ZMAT4: variants seen among roughly 807,000 people sequenced by gnomAD.
The protein encoded by ZMAT4 is zinc finger matrin-type 4.
In ZMAT4, 17 loss-of-function variants were observed where a neutral mutation model predicts 28.7. The ratio of observed to expected loss-of-function variants is 0.59; its 90% CI spans 0.41 to 0.89. The LOEUF is 0.89. Among genes scored for constraint, ZMAT4 ranks in the 40% least tolerant of loss-of-function variants. The probability of loss-of-function intolerance (pLI) is 0.00; values close to 1 mark genes in which losing one functional copy is unlikely to be tolerated. For missense variants in ZMAT4, 240 were observed against 283.8 expected (o/e 0.85, Z 1.11); for synonymous variants, 117 against 109.2 (o/e 1.07, Z -0.44).
Position 40,532,232 on chromosome 8 carries a change from C to T in ZMAT4, c.681G>A (p.Lys227=). The change falls in exon 7 of 7, where the codon AAG becomes AAA. Residue 227 remains lysine, a synonymous_variant. Transcript: ENST00000297737. ...LKGSKHQTNL[K]NK Reference sequence around the variant, plus strand: ...TTGATTGATGCTTTCACTACTTATTCTTCAGGCTATAAGACAGAAGGAAAC... The same window carrying T: ...TTGATTGATGCTTTCACTACTTATTTTTCAGGCTATAAGACAGAAGGAAAC... The T allele has an allele frequency of 1.9e-6, 3 of 1,592,638 alleles. No individual in the cohort carries two copies. Among genetic ancestry groups the T allele is most frequent in the Non-Finnish European group, 2.6e-6 (3 of 1,169,434 alleles).
chr8:40,612,805 G>T (rs10107772), intron 5 of ZMAT4, among the ~76,000 whole-genome samples: 21,307 of 93,660 alleles, frequency 0.23, 4,491 homozygotes, highest in African/African-American at 0.34. Flanking sequence ...CTGTATTTTG[G>T]TTTTTGTTTT....
intron 5 of ZMAT4, among the ~76,000 whole-genome samples, chr8:40,619,730 C>T (rs1013311339): frequency 2.6e-5 from 4 of 152,208 alleles, no homozygotes; most frequent in African/African-American, 9.7e-5. Context: ...TTCTTAGCAT[C>T]AGCTATGCAC....
intron 6 of ZMAT4, among the ~76,000 whole-genome samples, chr8:40,550,380 G>T (rs1803330778): frequency 2.6e-5 from 4 of 152,204 alleles, no homozygotes; most frequent in Admixed American, 6.5e-5. Context: ...TCTCTCACAG[G>T]TGTTTTCCAT....
intron 5 of ZMAT4, among the ~76,000 whole-genome samples, chr8:40,589,577 C>G (rs188502583): frequency 6.6e-6 from 1 of 152,074 alleles, no homozygotes; most frequent in Admixed American, 6.5e-5. Flanking sequence ...TTTGAAGAAA[C>G]CATTGGTCCC....
chr8:40,855,190 G>A (rs531895610), intron 1 of ZMAT4, among the ~76,000 whole-genome samples: 4 of 152,216 alleles, frequency 2.6e-5, no homozygotes, highest in South Asian at 2.1e-4. Flanking sequence ...CTTTGTAAAC[G>A]GTGTGTCCAG....
intron 2 of ZMAT4, chr8:40,786,749 T>C (rs556965652): frequency 2.3e-6 from 3 of 1,289,278 alleles, no homozygotes; most frequent in East Asian, 1.1e-4. Context: ...TTAGTATGTC[T>C]AATGAAATTC....
chr8:40,823,248 A>G (rs551459087), intron 2 of ZMAT4, among the ~76,000 whole-genome samples: 1 of 152,272 alleles, frequency 6.6e-6, no homozygotes, highest in East Asian at 1.9e-4. Context: ...TAGTAAGATG[A>G]TTACAAATGA....
chr8:40,690,690 A>T (rs972223692), intron 4 of ZMAT4, among the ~76,000 whole-genome samples: 1 of 152,190 alleles, frequency 6.6e-6, no homozygotes, highest in Non-Finnish European at 1.5e-5. Context: ...GAATTTATGT[A>T]ACTTTCAAGC....
intron 5 of ZMAT4, among the ~76,000 whole-genome samples, chr8:40,601,515 GAGAA>G (rs1805332861): frequency 2.5e-5 from 2 of 78,652 alleles, no homozygotes; most frequent in South Asian, 4.6e-4. Context: ...GAAAGAGAAA[GAGAA>G]AGAAAGAGGG....
At chr8:40,866,983 TCTAA>T (rs1343615863) in intron 1 of ZMAT4, among the ~76,000 whole-genome samples, 1 of 152,324 alleles carries the variant, frequency 6.6e-6, no homozygotes, top group Non-Finnish European at 1.5e-5. Flanking sequence ...GTATAGATGC[TCTAA>T]CTAAGTCATC....
intron 1 of ZMAT4, among the ~76,000 whole-genome samples, chr8:40,856,552 G>A (rs555394221): frequency 6.6e-6 from 1 of 152,236 alleles, no homozygotes; most frequent in East Asian, 1.9e-4. Context: ...CAGACATCTG[G>A]GCACTGCAGA....
chr8:40,572,154 G>A (rs543461548), intron 6 of ZMAT4, among the ~76,000 whole-genome samples: 23 of 152,092 alleles, frequency 1.5e-4, no homozygotes, highest in African/African-American at 4.6e-4. Context: ...ATTACTGTGC[G>A]ACCCTCAGCT....
At chr8:40,763,596 G>C (rs34505426) in intron 3 of ZMAT4, among the ~76,000 whole-genome samples, 32,309 of 152,136 alleles carry the variant, frequency 0.21, 3,670 homozygotes, top group Non-Finnish European at 0.25. Flanking sequence ...ACCACTTCAA[G>C]ATATGTGGGA....
intron 2 of ZMAT4, among the ~76,000 whole-genome samples, chr8:40,815,871 A>T (rs1181689851): frequency 6.6e-6 from 1 of 152,194 alleles, no homozygotes. Flanking sequence ...CCGGCACTGT[A>T]ATAAAATGGG....
At position 40,845,649 on chromosome 8, in the gene ZMAT4, CAA is replaced by C. The variant is rs1816859917; in HGVS notation, c.-4-19971_-4-19970del. ...GATAGTCCTGACACAGTGAGAACCC[CAA>C]GAGACCACTGGGAAGACACAGTGAA... On this transcript the variant is annotated intron_variant, in intron 1 of 6. Transcript: ENST00000297737. Among the ~76,000 whole-genome samples the C allele has an allele frequency of 2.0e-5, 3 of 151,044 alleles. No individual in the cohort carries two copies. In the South Asian group the frequency reaches 6.3e-4, roughly 32 times the overall value.
intron 3 of ZMAT4, among the ~76,000 whole-genome samples, chr8:40,754,535 C>A (rs1812592939): frequency 6.6e-6 from 1 of 152,026 alleles, no homozygotes; most frequent in South Asian, 2.1e-4. Context: ...ATGACGAGTT[C>A]TACTATTTTT....
At chr8:40,895,927 C>A (rs1373443711) in intron 1 of ZMAT4, among the ~76,000 whole-genome samples, 1 of 152,152 alleles carries the variant, frequency 6.6e-6, no homozygotes, top group Non-Finnish European at 1.5e-5. Context: ...ACTAACCATG[C>A]CCACCGGCTG....
intron 1 of ZMAT4, among the ~76,000 whole-genome samples, chr8:40,881,453 AAG>A (rs1377902204): frequency 7.4e-6 from 1 of 135,032 alleles, no homozygotes; most frequent in African/African-American, 2.9e-5. Context: ...GAAAGAAAGA[AAG>A]AAAGAAAGAA....
intron 5 of ZMAT4, among the ~76,000 whole-genome samples, chr8:40,596,854 A>G (rs1423812509): frequency 1.3e-5 from 2 of 152,216 alleles, no homozygotes; most frequent in African/African-American, 4.8e-5. Flanking sequence ...ACTCTCCCAC[A>G]GAGAGGACGA....
Sources: gnomAD v4.1 joint callset for allele counts (sites outside exome capture counted in the v4.1 genomes callset) on GRCh38, gnomAD v4.1.1 for gene constraint, MANE v1.5 for transcripts, NCBI Gene and HGNC (gene_info 2026-07-23, HGNC 2026-07-21) for gene names.